TSHZ2: variants seen among roughly 807,000 people sequenced by gnomAD.
TSHZ2 encodes the protein teashirt homolog 2.
Under a neutral mutation model 74.4 loss-of-function variants are expected in TSHZ2, and 21 were observed. The observed-to-expected ratio is 0.28, with a 90% CI of 0.20 to 0.41. The LOEUF (loss-of-function observed/expected upper bound fraction) is 0.41, where lower values mean the gene tolerates loss of function less well. TSHZ2 is among the 10% of genes least tolerant of loss of function. The pLI is 1.00. For synonymous variants in TSHZ2, 540 were observed against 515.3 expected, an observed-to-expected ratio of 1.05 and a Z score of -0.65; for missense variants, 1,244 against 1,293.5, an observed-to-expected ratio of 0.96 and a Z score of 0.59.
chr20:53,194,588 G>T (rs185424073), intron 1 of TSHZ2, among the ~76,000 whole-genome samples: 5 of 152,200 alleles, frequency 3.3e-5, no homozygotes, highest in Non-Finnish European at 7.3e-5. Flanking sequence ...CCCTTTAGGG[G>T]TATGTTTCAG....
intron 1 of TSHZ2, among the ~76,000 whole-genome samples, chr20:53,089,260 G>T (rs1450405641): frequency 2.7e-5 from 4 of 146,956 alleles, no homozygotes; most frequent in Non-Finnish European, 6.0e-5. Flanking sequence ...CCCACACAGA[G>T]AAAAAAATCT....
chr20:53,029,988 AACTT>A (rs1983579743), intron 1 of TSHZ2, among the ~76,000 whole-genome samples: 1 of 152,108 alleles, frequency 6.6e-6, no homozygotes, highest in African/African-American at 2.4e-5. Flanking sequence ...CTGCTCTAGG[AACTT>A]AGATCAACTC....
intron 2 of TSHZ2, among the ~76,000 whole-genome samples, chr20:53,401,532 A>C (rs1037001360): frequency 1.5e-5 from 2 of 134,634 alleles, no homozygotes; most frequent in Admixed American, 7.8e-5. Context: ...GTGGTTCCTT[A>C]CCCCTCACTC....
At chr20:53,224,448 A>T (rs1206516580) in intron 1 of TSHZ2, among the ~76,000 whole-genome samples, 2 of 152,164 alleles carry the variant, frequency 1.3e-5, no homozygotes, top group African/African-American at 4.8e-5. Context: ...CCATTTTCCC[A>T]TCTACACAAT....
intron 2 of TSHZ2, among the ~76,000 whole-genome samples, chr20:53,472,964 C>T (rs1053895830): frequency 2.6e-5 from 4 of 152,040 alleles, no homozygotes; most frequent in South Asian, 2.1e-4. Context: ...TAAAAAACGG[C>T]GCACCACGAG....
intron 1 of TSHZ2, among the ~76,000 whole-genome samples, chr20:53,204,925 CAAAA>C (rs1568811621): frequency 6.6e-6 from 1 of 150,720 alleles, no homozygotes; most frequent in African/African-American, 2.4e-5. Flanking sequence ...ACTAAAAATA[CAAAA>C]AAAGAAAAAA....
intron 1 of TSHZ2, among the ~76,000 whole-genome samples, chr20:52,984,580 G>A (rs1056255016): frequency 1.3e-5 from 2 of 152,146 alleles, no homozygotes; most frequent in Non-Finnish European, 2.9e-5. Flanking sequence ...GGGAGGGTGA[G>A]CAGGGAGGGT....
At chr20:53,156,883 C>G (rs1600716103) in intron 1 of TSHZ2, among the ~76,000 whole-genome samples, 1 of 152,252 alleles carries the variant, frequency 6.6e-6, no homozygotes, top group East Asian at 1.9e-4. Context: ...TTGAAATGAC[C>G]TGAGTGTCAT....
At chr20:53,051,669 C>A (rs1984473576) in intron 1 of TSHZ2, among the ~76,000 whole-genome samples, 1 of 152,136 alleles carries the variant, frequency 6.6e-6, no homozygotes, top group Admixed American at 6.5e-5. Flanking sequence ...AAAATCATTT[C>A]AAATTATTGG....
intron 1 of TSHZ2, among the ~76,000 whole-genome samples, chr20:53,041,656 G>A (rs549081413): frequency 6.6e-6 from 1 of 152,278 alleles, no homozygotes; most frequent in South Asian, 2.1e-4. Flanking sequence ...GAACCCTGTG[G>A]CATAGTAATT....
At chr20:53,481,799 A>C (rs1204613815) in intron 2 of TSHZ2, among the ~76,000 whole-genome samples, 2 of 152,040 alleles carry the variant, frequency 1.3e-5, no homozygotes. Flanking sequence ...TCTGAAATTT[A>C]AAAGTAACTA....
At chr20:53,061,357 C>G (rs1166211804) in intron 1 of TSHZ2, among the ~76,000 whole-genome samples, 1 of 152,132 alleles carries the variant, frequency 6.6e-6, no homozygotes, top group Non-Finnish European at 1.5e-5. Flanking sequence ...ATTCACTGAG[C>G]TAAACCCAAA....
intron 1 of TSHZ2, among the ~76,000 whole-genome samples, chr20:53,223,270 T>G (rs1011260745): frequency 6.6e-6 from 1 of 152,222 alleles, no homozygotes; most frequent in Non-Finnish European, 1.5e-5. Flanking sequence ...AACATGAATT[T>G]TTTTAACTTC....
In TSHZ2 at chr20:53,087,483, C is replaced by T. The variant is rs564642827; in HGVS notation, c.40+114150C>T. Among the ~76,000 whole-genome samples, 3 of 152,282 alleles carry T rather than the reference C, an allele frequency of 2.0e-5. No individual in the cohort carries two copies. In the East Asian group the frequency reaches 5.8e-4, roughly 29 times the overall value. ...GAGAACTCAGACTTCTTGATGCAAG[C>T]CCCCAGTCTTCACTTTTGAAAGACC... is the stretch of plus-strand genomic sequence containing the variant. On this transcript the variant is annotated intron_variant, in intron 1 of 2. Transcript: ENST00000371497.
intron 2 of TSHZ2, among the ~76,000 whole-genome samples, chr20:53,334,107 T>TG (rs770269580): frequency 3.5e-4 from 54 of 152,200 alleles, no homozygotes; most frequent in Non-Finnish European, 5.3e-4. Context: ...TCATTCATTG[T>TG]GTTGATATAA....
At chr20:53,358,451 G>A (rs890866729) in intron 2 of TSHZ2, among the ~76,000 whole-genome samples, 4 of 145,944 alleles carry the variant, frequency 2.7e-5, no homozygotes, top group East Asian at 2.0e-4. Flanking sequence ...AGCAGTTCTC[G>A]TGCCTCAGCC....
chr20:53,065,836 T>C (rs1035749674), intron 1 of TSHZ2, among the ~76,000 whole-genome samples: 2 of 152,226 alleles, frequency 1.3e-5, no homozygotes, highest in East Asian at 3.9e-4. Flanking sequence ...ACCTTTGCCA[T>C]TGGTTGACAG....
intron 1 of TSHZ2, among the ~76,000 whole-genome samples, chr20:53,083,453 G>A (rs981967329): frequency 1.3e-5 from 2 of 152,142 alleles, no homozygotes; most frequent in Admixed American, 6.5e-5. Context: ...AGCCAGGGTC[G>A]GTGATCCTTT....
At chr20:53,119,282 A>G (rs1986746969) in intron 1 of TSHZ2, among the ~76,000 whole-genome samples, 1 of 152,250 alleles carries the variant, frequency 6.6e-6, no homozygotes, top group Non-Finnish European at 1.5e-5. Context: ...TTATTTATTC[A>G]GTAAGATCTT....
Sources: gnomAD v4.1 joint callset for allele counts (sites outside exome capture counted in the v4.1 genomes callset) on GRCh38, gnomAD v4.1.1 for gene constraint, MANE v1.5 for transcripts, NCBI Gene and HGNC (gene_info 2026-07-23, HGNC 2026-07-21) for gene names.